Variants in CORO2B observed in about 807,000 individuals in gnomAD.
The protein encoded by CORO2B is coronin-2B.
A neutral mutation model predicts 58.8 loss-of-function variants in CORO2B; 26 were observed. The ratio of observed to expected loss-of-function variants is 0.44; its 90% CI spans 0.32 to 0.61. The LOEUF is 0.61. CORO2B is among the 20% of genes least tolerant of loss of function. The probability of loss-of-function intolerance (pLI) is 0.04; values close to 1 mark genes in which losing one functional copy is unlikely to be tolerated. For missense variants in CORO2B, 460 were observed against 645.1 expected, an observed-to-expected ratio of 0.71 and a Z score of 3.11; for synonymous variants, 242 against 253.8, an observed-to-expected ratio of 0.95 and a Z score of 0.44.
chr15:68,583,895 G>A (rs1381489160), intron 1 of CORO2B, among the ~76,000 whole-genome samples: 1 of 152,182 alleles, frequency 6.6e-6, no homozygotes, highest in East Asian at 1.9e-4. Context: ...GGTGGGCAAG[G>A]GCTCTGCCTG....
the CORO2B span, among the ~76,000 whole-genome samples, chr15:68,549,462 C>T: frequency 1.3e-5 from 2 of 152,166 alleles, no homozygotes; most frequent in Non-Finnish European, 2.9e-5. Flanking sequence ...CCAAAACCTC[C>T]TACTGTCCTG....
At chr15:68,584,109 A>G (rs1899497208) in intron 1 of CORO2B, among the ~76,000 whole-genome samples, 1 of 152,214 alleles carries the variant, frequency 6.6e-6, no homozygotes, top group East Asian at 1.9e-4. Context: ...AGGACCTTAG[A>G]GGAGAAGGAC....
At chr15:68,537,572 G>A in the CORO2B span, among the ~76,000 whole-genome samples, 1 of 152,022 alleles carries the variant, frequency 6.6e-6, no homozygotes, top group East Asian at 1.9e-4. Flanking sequence ...ATGGTGATTT[G>A]CTGCACCTGT....
the CORO2B span, among the ~76,000 whole-genome samples, chr15:68,544,648 T>G: frequency 1.3e-5 from 2 of 152,268 alleles, no homozygotes; most frequent in Non-Finnish European, 2.9e-5. Flanking sequence ...TATGGACAAG[T>G]TGGACATTCA....
At chr15:68,604,882 A>T (rs1900068506) in intron 1 of CORO2B, among the ~76,000 whole-genome samples, 1 of 152,196 alleles carries the variant, frequency 6.6e-6, no homozygotes, top group African/African-American at 2.4e-5. Context: ...TTGGGAGGCC[A>T]AGGCGGGCTG....
At chr15:68,673,695 G>C (rs1454677469) in intron 2 of CORO2B, among the ~76,000 whole-genome samples, 1 of 152,004 alleles carries the variant, frequency 6.6e-6, no homozygotes, top group East Asian at 1.9e-4. Context: ...AAATTAGCCA[G>C]GCGTGGTGGC....
chr15:68,572,290 T>C, the CORO2B span, among the ~76,000 whole-genome samples: 2 of 152,156 alleles, frequency 1.3e-5, no homozygotes, highest in Non-Finnish European at 2.9e-5. Context: ...GGATTTTAAA[T>C]CAAAGCATGA....
chr15:68,706,209 G>C (rs1892781167), intron 3 of CORO2B, among the ~76,000 whole-genome samples: 1 of 152,126 alleles, frequency 6.6e-6, no homozygotes, highest in African/African-American at 2.4e-5. Flanking sequence ...GCTGGCGCCC[G>C]ACCCCACACA....
At chr15:68,654,510 G>A (rs1344082667) in intron 2 of CORO2B, among the ~76,000 whole-genome samples, 1 of 152,208 alleles carries the variant, frequency 6.6e-6, no homozygotes, top group African/African-American at 2.4e-5. Context: ...TGAAGCATCT[G>A]GCAGTCTGCT....
the CORO2B span, among the ~76,000 whole-genome samples, chr15:68,535,575 G>A: frequency 6.6e-6 from 1 of 152,114 alleles, no homozygotes; most frequent in Non-Finnish European, 1.5e-5. Flanking sequence ...ATACCACTCT[G>A]CTCCTCCTGT....
intron 1 of CORO2B, among the ~76,000 whole-genome samples, chr15:68,630,683 T>C (rs1900804270): frequency 1.3e-5 from 2 of 152,158 alleles, no homozygotes; most frequent in Admixed American, 6.5e-5. Flanking sequence ...TTTTCATGGT[T>C]TTTCAAACAA....
At chr15:68,555,398 G>A in the CORO2B span, among the ~76,000 whole-genome samples, 3 of 152,290 alleles carry the variant, frequency 2.0e-5, no homozygotes, top group South Asian at 2.1e-4. Context: ...CCCCACTCAA[G>A]GGGACCCAAA....
the CORO2B span, among the ~76,000 whole-genome samples, chr15:68,556,959 C>T: frequency 6.6e-6 from 1 of 152,214 alleles, no homozygotes; most frequent in African/African-American, 2.4e-5. Flanking sequence ...ATAATCAGTT[C>T]CCTTCCAGCC....
intron 1 of CORO2B, among the ~76,000 whole-genome samples, chr15:68,631,319 C>G (rs1450156055): frequency 6.6e-6 from 1 of 152,124 alleles, no homozygotes; most frequent in African/African-American, 2.4e-5. Flanking sequence ...CAGTGTTGCC[C>G]CCATTTTTAT....
At chr15:68,541,183 C>A in the CORO2B span, among the ~76,000 whole-genome samples, 2 of 150,544 alleles carry the variant, frequency 1.3e-5, no homozygotes, top group African/African-American at 4.9e-5. Context: ...TGCAGTGAGT[C>A]AAAATGGTGC....
At chr15:68,613,834 C>G (rs1300243238) in intron 1 of CORO2B, among the ~76,000 whole-genome samples, 7 of 152,200 alleles carry the variant, frequency 4.6e-5, no homozygotes, top group Non-Finnish European at 1.5e-5. Flanking sequence ...AGTAAGAACA[C>G]TTTGTTCTCA....
chr15:68,585,417 G>A (rs946710034), intron 1 of CORO2B, among the ~76,000 whole-genome samples: 3 of 152,182 alleles, frequency 2.0e-5, no homozygotes, highest in Non-Finnish European at 4.4e-5. Context: ...ACGCATGATC[G>A]CATTTACTCT....
chr15:68,620,131 C>T (rs905548328), intron 1 of CORO2B, among the ~76,000 whole-genome samples: 9 of 152,092 alleles, frequency 5.9e-5, no homozygotes, highest in African/African-American at 1.2e-4. Context: ...AGGCTGGTCT[C>T]GAACTCTTGA....
intron 1 of CORO2B, among the ~76,000 whole-genome samples, chr15:68,606,947 AAGCC>A (rs1269556479): frequency 6.6e-6 from 1 of 152,154 alleles, no homozygotes; most frequent in Non-Finnish European, 1.5e-5. Flanking sequence ...GGAAAGGGGC[AAGCC>A]AGCTGATCAG....
Sources: allele counts gnomAD v4.1 joint callset (sites outside exome capture counted in the v4.1 genomes callset), GRCh38; gene constraint gnomAD v4.1.1; transcripts MANE v1.5; gene names NCBI Gene and HGNC (gene_info 2026-07-23, HGNC 2026-07-21).